Variants in ASTN1 observed in about 807,000 individuals in gnomAD.
ASTN1 encodes astrotactin-1.
A neutral mutation model predicts 140.7 loss-of-function variants in ASTN1; 41 were observed. The observed-to-expected ratio is 0.29, with a 90% CI of 0.23 to 0.38. The LOEUF (loss-of-function observed/expected upper bound fraction) is 0.38, where lower values mean the gene tolerates loss of function less well. Ranked by LOEUF, ASTN1 falls within the 10% of genes least tolerant of loss-of-function variation. ASTN1 has a pLI of 1.00. For missense variants in ASTN1, 1,479 were observed against 1,678.8 expected (o/e 0.88, Z 2.08); for synonymous variants, 640 against 652.2 (o/e 0.98, Z 0.29).
At chr1:177,057,020 A>G (rs1403739800) in intron 2 of ASTN1, among the ~76,000 whole-genome samples, 1 of 152,222 alleles carries the variant, frequency 6.6e-6, no homozygotes, top group East Asian at 1.9e-4. Flanking sequence ...AATGTCAACT[A>G]TCTTGCAAAA....
intron 1 of ASTN1, among the ~76,000 whole-genome samples, chr1:177,126,307 C>T (rs1681642627): frequency 3.3e-5 from 5 of 152,170 alleles, no homozygotes; most frequent in Admixed American, 3.3e-4. Context: ...CATGGCTTTG[C>T]TGCTTAGGAA....
intron 14 of ASTN1, among the ~76,000 whole-genome samples, chr1:176,937,090 T>G (rs1671483108): frequency 6.6e-6 from 1 of 152,312 alleles, no homozygotes; most frequent in Middle Eastern, 3.4e-3. Flanking sequence ...TGCTATAATA[T>G]CCCCATAGCA....
Position 177,015,004 on chromosome 1 carries a change from A to G in ASTN1, c.1439-129T>C, listed in dbSNP as rs1675477591. On this transcript the variant is annotated intron_variant, in intron 7 of 22. Coordinates refer to ENST00000361833, the MANE Select transcript of ASTN1 (RefSeq NM_004319.3). ...CTGATATTAGCATGAATGAGACAGTAAGTTCCATTATGTCATATACTCCCC... is the reference window on the plus strand; with the variant it reads ...CTGATATTAGCATGAATGAGACAGTGAGTTCCATTATGTCATATACTCCCC... 4 of 781,522 alleles carry G rather than the reference A, an allele frequency of 5.1e-6. No homozygotes were observed. The Admixed American group carries it at 8.8e-5, about 17-fold the overall frequency. 48.4% of individuals were successfully genotyped at this position (781,522 alleles called of 1,614,324 possible).
At chr1:177,160,401 G>T (rs1302510434) in intron 1 of ASTN1, among the ~76,000 whole-genome samples, 2 of 152,206 alleles carry the variant, frequency 1.3e-5, no homozygotes, top group Admixed American at 6.5e-5. Context: ...CTACATCTCT[G>T]CAGGCTGATT....
At chr1:177,023,598 C>A (rs752810757) in intron 6 of ASTN1, 27 bp from the exon 7 acceptor site, 2 of 1,549,000 alleles carry the variant, frequency 1.3e-6, no homozygotes, top group African/African-American at 1.4e-5. Flanking sequence ...AGGAAGCATG[C>A]CTATATGTGC....
At chr1:177,081,979 C>T (rs903117578) in intron 1 of ASTN1, among the ~76,000 whole-genome samples, 1 of 151,952 alleles carries the variant, frequency 6.6e-6, no homozygotes, top group African/African-American at 2.4e-5. Flanking sequence ...GTGGACAACC[C>T]CAGAAGGCTA....
rs200001374 is a variant in ASTN1, at chr1:177,023,397, C to A, written c.1438+7G>T. ...ACAGTTACCCGCTGCCCGGTGCTCC[C>A]GCCTACCAGTTTCGGGGTCACATTG... is the stretch of plus-strand genomic sequence containing the variant. On this transcript the variant is annotated splice_region_variant and intron_variant, in intron 7 of 22. Transcript: ENST00000361833. The A allele has an allele frequency of 6.3e-7, 1 of 1,579,538 alleles. No individual in the cohort carries two copies. Among genetic ancestry groups the A allele is most frequent in the South Asian group, 1.2e-5 (1 of 86,610 alleles).
chr1:177,074,209 A>T (rs1042795255), intron 1 of ASTN1, among the ~76,000 whole-genome samples: 3 of 152,172 alleles, frequency 2.0e-5, no homozygotes, highest in Non-Finnish European at 4.4e-5. Flanking sequence ...GGTCACAGGA[A>T]AATCATCTCT....
At chr1:176,884,075 CCT>C (rs1490860347) in intron 19 of ASTN1, among the ~76,000 whole-genome samples, 4 of 152,250 alleles carry the variant, frequency 2.6e-5, no homozygotes, top group African/African-American at 9.6e-5. Context: ...GAAATGGACA[CCT>C]CTTTTATAAA....
At chr1:177,115,323 A>T (rs1417115960) in intron 1 of ASTN1, among the ~76,000 whole-genome samples, 1 of 152,190 alleles carries the variant, frequency 6.6e-6, no homozygotes, top group Non-Finnish European at 1.5e-5. Flanking sequence ...GGATATGAGA[A>T]GATACATGTG....
At chr1:177,058,828 AAC>A (rs144233356) in intron 2 of ASTN1, among the ~76,000 whole-genome samples, 13 of 149,118 alleles carry the variant, frequency 8.7e-5, no homozygotes, top group African/African-American at 9.8e-5. Flanking sequence ...TACACAAACA[AAC>A]ACACACACAC....
chr1:176,929,320 A>G (rs1671104240), intron 16 of ASTN1, among the ~76,000 whole-genome samples: 1 of 152,192 alleles, frequency 6.6e-6, no homozygotes, highest in African/African-American at 2.4e-5. Flanking sequence ...GTGTTTATAA[A>G]AGGGATGCAG....
chr1:176,933,350 G>A (rs2103090206), intron 16 of ASTN1, among the ~76,000 whole-genome samples: 1 of 152,318 alleles, frequency 6.6e-6, no homozygotes, highest in East Asian at 1.9e-4. Context: ...CATTTCTTGA[G>A]TTTTTATTGT....
At chr1:177,042,605 T>C (rs1677029684) in intron 2 of ASTN1, among the ~76,000 whole-genome samples, 1 of 152,254 alleles carries the variant, frequency 6.6e-6, no homozygotes, top group Non-Finnish European at 1.5e-5. Context: ...GTTTACCACA[T>C]GCCAGACATA....
At chr1:177,163,387 G>A (rs1341880550) in intron 1 of ASTN1, among the ~76,000 whole-genome samples, 1 of 152,108 alleles carries the variant, frequency 6.6e-6, no homozygotes, top group Non-Finnish European at 1.5e-5. Context: ...GAGAAGTGAG[G>A]GGAATTTGGC....
Position 176,898,077 on chromosome 1 carries a change from G to C in ASTN1, c.2672-3247C>G, listed in dbSNP as rs184509234. 4.0e-4 allele frequency among the ~76,000 whole-genome samples: 61 copies of C among 152,268 alleles called. 1 individual carries two copies. Among genetic ancestry groups the C allele is most frequent in the Middle Eastern group, 6.8e-3 (2 of 294 alleles). ...CATAGCTGTAAACATCTGAGGGGTT[G>C]CTCCCCTTGCTACTGTTTTCTGGCG... On this transcript the variant is annotated intron_variant, in intron 16 of 22. Transcript: ENST00000361833.
intron 1 of ASTN1, among the ~76,000 whole-genome samples, chr1:177,114,600 T>A (rs1680990175): frequency 6.6e-6 from 1 of 152,152 alleles, no homozygotes; most frequent in Admixed American, 6.6e-5. Flanking sequence ...ACTGATACAG[T>A]CCACCCACCT....
intron 2 of ASTN1, among the ~76,000 whole-genome samples, chr1:177,043,356 A>G (rs1398103925): frequency 6.6e-6 from 1 of 152,260 alleles, no homozygotes; most frequent in Admixed American, 6.5e-5. Flanking sequence ...CATTACAGTC[A>G]GGTCACACAA....
intron 18 of ASTN1, among the ~76,000 whole-genome samples, chr1:176,885,547 T>A (rs1669000120): frequency 6.6e-6 from 1 of 152,148 alleles, no homozygotes; most frequent in South Asian, 2.1e-4. Flanking sequence ...CTGCCATTTA[T>A]CTCATCCTTG....
Sources: allele counts gnomAD v4.1 joint callset (sites outside exome capture counted in the v4.1 genomes callset), GRCh38; gene constraint gnomAD v4.1.1; transcripts MANE v1.5; gene names NCBI Gene and HGNC (gene_info 2026-07-23, HGNC 2026-07-21).